Variants in RFTN1 observed in about 807,000 individuals in gnomAD.
RFTN1 encodes raftlin.
In RFTN1, 26 loss-of-function variants were observed where a neutral mutation model predicts 46.5. That is an observed-to-expected ratio of 0.56 (90% CI 0.41 to 0.78). The LOEUF (loss-of-function observed/expected upper bound fraction) is 0.78. Among genes scored for constraint, RFTN1 ranks in the 30% least tolerant of loss-of-function variants. The pLI is 0.00. For missense variants in RFTN1, 693 were observed against 718.7 expected, an observed-to-expected ratio of 0.96 and a Z score of 0.41; for synonymous variants, 261 against 284.2, an observed-to-expected ratio of 0.92 and a Z score of 0.82.
rs2074585898 is a variant in RFTN1 at position 16,400,967 on chromosome 3, T to C, written c.441+8408A>G. On this transcript the variant is annotated intron_variant, in intron 4 of 9. Coordinates refer to ENST00000334133, the MANE Select transcript of RFTN1 (RefSeq NM_015150.2). This position sits in a 1 kb window ranked among gnomAD's most constrained non-coding sequence, Gnocchi z 4.5. ...CTCCCACCTCGCCCTGCCTGGAACC[T>C]GCCTCCATCTTTTATCACCTCTTCT... Among the ~76,000 whole-genome samples the C allele has an allele frequency of 6.6e-6, 1 of 152,112 alleles. No individual in the cohort carries two copies. Among genetic ancestry groups the C allele is most frequent in the South Asian group, 2.1e-4 (1 of 4,830 alleles).
At chr3:16,492,872 A>G (rs1284079671) in intron 2 of RFTN1, among the ~76,000 whole-genome samples, 1 of 152,200 alleles carries the variant, frequency 6.6e-6, no homozygotes, top group Non-Finnish European at 1.5e-5. Flanking sequence ...CACTCTGCAC[A>G]CAGCAGGTGC....
chr3:16,453,663 A>G (rs1171732063), intron 2 of RFTN1, among the ~76,000 whole-genome samples: 1 of 152,238 alleles, frequency 6.6e-6, no homozygotes, highest in African/African-American at 2.4e-5. Context: ...AAAAAAATAA[A>G]GCATGAACGT....
intron 4 of RFTN1, among the ~76,000 whole-genome samples, chr3:16,401,648 A>G (rs1477838826): frequency 6.6e-6 from 1 of 152,208 alleles, no homozygotes; most frequent in East Asian, 1.9e-4. Flanking sequence ...GATTTTACCA[A>G]AGTATATCTC....
intron 6 of RFTN1, among the ~76,000 whole-genome samples, chr3:16,359,816 C>CTTT (rs144720357): frequency 6.7e-6 from 1 of 148,474 alleles, no homozygotes; most frequent in South Asian, 2.1e-4. Context: ...ATAATGTGAC[C>CTTT]TTTTTTTTTT....
rs1040193571 is a variant in RFTN1 at position 16,427,621 on chromosome 3, G to A, written c.332+6230C>T. On this transcript the variant is annotated intron_variant, in intron 3 of 9. Transcript: ENST00000334133. This position sits in a 1 kb window ranked among gnomAD's most constrained non-coding sequence, Gnocchi z 5.4. ...TCAATTTGGGATGAAGCAGCTCACCGTAACTCTCAACAACCCACTGCATCT... is the reference window on the plus strand; with the variant it reads ...TCAATTTGGGATGAAGCAGCTCACCATAACTCTCAACAACCCACTGCATCT... Among the ~76,000 whole-genome samples the A allele has an allele frequency of 5.3e-5, 8 of 152,178 alleles. No homozygotes were observed. The highest frequency in any genetic ancestry group is 4.1e-4 in the South Asian group (2 of 4,828).
rs1026779176 is a variant in RFTN1, at chr3:16,468,530, A to C, written c.145+25195T>G. Among the ~76,000 whole-genome samples the C allele has an allele frequency of 1.3e-4, 20 of 151,820 alleles. No individual in the cohort carries two copies. The highest frequency in any genetic ancestry group is 2.8e-4 in the Non-Finnish European group (19 of 68,002). Reference sequence around the variant, plus strand: ...TAAGATGCCTTTTCATATCTTTGCTATCTTTAGATTAGATGCTTAATGCAT... The same window carrying C: ...TAAGATGCCTTTTCATATCTTTGCTCTCTTTAGATTAGATGCTTAATGCAT... On this transcript the variant is annotated intron_variant, in intron 2 of 9. Coordinates refer to ENST00000334133, the MANE Select transcript of RFTN1 (RefSeq NM_015150.2). This position sits in a 1 kb window ranked among gnomAD's most constrained non-coding sequence, Gnocchi z 4.4.
chr3:16,316,943 G>A lies in RFTN1; in HGVS notation c.1622C>T (p.Ala541Val). The A allele has an allele frequency of 6.2e-7, 1 of 1,614,000 alleles. No individual in the cohort carries two copies. Among genetic ancestry groups the A allele is most frequent in the Non-Finnish European group, 8.5e-7 (1 of 1,179,982 alleles). ...CCCCACCAGGGCCCTGCTGTGGCTGGCAGGACCATTCTGCACAGCCTCACC... is the reference window on the plus strand; with the variant it reads ...CCCCACCAGGGCCCTGCTGTGGCTGACAGGACCATTCTGCACAGCCTCACC... ...VEGEAVQNGP[A>V]SHSRALVGIC... Residue 541 changes from alanine to valine, a missense_variant, in exon 10 of 10, where the codon GCC (alanine) becomes GTC (valine). Ala to Val is a moderately conservative substitution (Grantham distance 64, BLOSUM62 0). Coordinates refer to ENST00000334133, the MANE Select transcript of RFTN1 (RefSeq NM_015150.2). This position sits in a 1 kb window ranked among gnomAD's most constrained non-coding sequence, Gnocchi z 4.5.
rs1325679285 is a variant in RFTN1 at position 16,451,174 on chromosome 3, C to T, written c.146-17137G>A. Among the ~76,000 whole-genome samples the T allele has an allele frequency of 6.6e-6, 1 of 152,170 alleles. No individual in the cohort carries two copies. The highest frequency in any genetic ancestry group is 1.9e-4 in the East Asian group (1 of 5,192). ...TAGTTAGTGGCTGAGCGCAGATGGG[C>T]AGATCTGCAAAGGAGGCAGAGGAGC... On this transcript the variant is annotated intron_variant, in intron 2 of 9. Transcript: ENST00000334133. The surrounding 1 kb of genome is among the most constrained non-coding windows in gnomAD (Gnocchi z 4.2).
At position 16,433,185 on chromosome 3, in the gene RFTN1, T is replaced by TTTAAA. The variant is rs3054563; in HGVS notation, c.332+665_332+666insTTTAA. 1.7e-3 allele frequency among the ~76,000 whole-genome samples: 253 copies of TTTAAA among 150,236 alleles called. 1 individual carries two copies. Among genetic ancestry groups the TTTAAA allele is most frequent in the East Asian group, 3.7e-3 (19 of 5,150 alleles). ...TCCCATCCTCACTGTTTTTTTTTTT[T>TTTAAA]AAAAAAATTAATATTGTTCCTTTTG... is the stretch of plus-strand genomic sequence containing the variant. On this transcript the variant is annotated intron_variant, in intron 3 of 9. Transcript: ENST00000334133. The surrounding 1 kb of genome is among the most constrained non-coding windows in gnomAD (Gnocchi z 4.4).
intron 4 of RFTN1, among the ~76,000 whole-genome samples, chr3:16,394,542 T>A (rs2125409158): frequency 6.6e-6 from 1 of 152,296 alleles, no homozygotes; most frequent in East Asian, 1.9e-4. Flanking sequence ...TTAGAGAGGC[T>A]TCCCTTGGAA....
intron 2 of RFTN1, among the ~76,000 whole-genome samples, chr3:16,491,835 TC>T (rs895948123): frequency 3.9e-5 from 6 of 151,992 alleles, no homozygotes; most frequent in African/African-American, 1.5e-4. Context: ...CATCTCAGCA[TC>T]CTAATACTTA....
At chr3:16,318,506 T>C (rs867887505) in intron 9 of RFTN1, among the ~76,000 whole-genome samples, 1 of 152,192 alleles carries the variant, frequency 6.6e-6, no homozygotes, top group South Asian at 2.1e-4. Flanking sequence ...AAATGTGCTA[T>C]GTAAATGTTT....
intron 4 of RFTN1, among the ~76,000 whole-genome samples, chr3:16,397,857 C>A (rs2074505905): frequency 6.6e-6 from 1 of 152,084 alleles, no homozygotes; most frequent in African/African-American, 2.4e-5. Flanking sequence ...GGAGGAAAAG[C>A]CAGGAGAAAG....
At chr3:16,408,203 C>T (rs1437701398) in intron 4 of RFTN1, among the ~76,000 whole-genome samples, 2 of 151,960 alleles carry the variant, frequency 1.3e-5, no homozygotes, top group Non-Finnish European at 2.9e-5. Context: ...GAGGGCTTCC[C>T]GACCTGTCCG....
rs1374331520 is a variant in RFTN1 at position 16,486,329 on chromosome 3, C to T, written c.145+7396G>A. ...TTCCAGAATGAGAATCTGATGTCAC[C>T]TGCACCCCCTCCATCTTAAAAACCT... On this transcript the variant is annotated intron_variant, in intron 2 of 9. Transcript: ENST00000334133. Among the ~76,000 whole-genome samples, 5 of 152,106 alleles carry T rather than the reference C, an allele frequency of 3.3e-5. No homozygotes were observed. The East Asian group carries it at 9.7e-4, about 29-fold the overall frequency.
At position 16,407,734 on chromosome 3, in the gene RFTN1, G is replaced by A. The variant is rs192102444; in HGVS notation, c.441+1641C>T. ...TCTATTTCTATAGAAAGCTACATGC[G>A]TTATTAAAACACTTGTGTTCTCAGG... On this transcript the variant is annotated intron_variant, in intron 4 of 9. Coordinates refer to ENST00000334133, the MANE Select transcript of RFTN1 (RefSeq NM_015150.2). The surrounding 1 kb of genome is among the most constrained non-coding windows in gnomAD (Gnocchi z 4.0). 2.5e-4 allele frequency among the ~76,000 whole-genome samples: 38 copies of A among 152,216 alleles called. No homozygotes were observed. Among genetic ancestry groups the A allele is most frequent in the Admixed American group, 9.2e-4 (14 of 15,288 alleles).
chr3:16,490,290 T>C (rs1265183022), intron 2 of RFTN1, among the ~76,000 whole-genome samples: 1 of 152,212 alleles, frequency 6.6e-6, no homozygotes, highest in Admixed American at 6.5e-5. Context: ...TCTGATAGAA[T>C]GGTTGTCAAG....
At position 16,335,815 on chromosome 3, in the gene RFTN1, A is replaced by C. The variant is rs2070791944; in HGVS notation, c.1147-8939T>G. Among the ~76,000 whole-genome samples the C allele has an allele frequency of 6.6e-6, 1 of 151,834 alleles. No individual in the cohort carries two copies. The highest frequency in any genetic ancestry group is 1.5e-5 in the Non-Finnish European group (1 of 67,988). On this transcript the variant is annotated intron_variant, in intron 7 of 9. Transcript: ENST00000334133. This position sits in a 1 kb window ranked among gnomAD's most constrained non-coding sequence, Gnocchi z 4.7. ...AAAAAAGGAGTTTGATCACACCATC[A>C]AATATCTCAAGAGGGCAAGTCACAA...
intron 4 of RFTN1, among the ~76,000 whole-genome samples, chr3:16,378,551 T>C (rs528895167): frequency 1.1e-4 from 17 of 152,306 alleles, no homozygotes; most frequent in Admixed American, 3.9e-4. Flanking sequence ...TATATAACCA[T>C]ATACAAACAA....
Sources: gnomAD v4.1 joint callset for allele counts (sites outside exome capture counted in the v4.1 genomes callset) on GRCh38, gnomAD v4.1.1 for gene constraint, Gnocchi (gnomAD v3.1) non-coding constraint, MANE v1.5 for transcripts, NCBI Gene and HGNC (gene_info 2026-07-23, HGNC 2026-07-21) for gene names.